MYRIP: variants seen among roughly 807,000 people sequenced by gnomAD.
The protein encoded by MYRIP is rab effector MyRIP.
Under a neutral mutation model 98.0 loss-of-function variants are expected in MYRIP, and 49 were observed. The ratio of observed to expected loss-of-function variants is 0.50; its 90% CI spans 0.40 to 0.63. The LOEUF is 0.63. MYRIP is among the 30% of genes least tolerant of loss of function. The pLI is 0.00. For synonymous variants in MYRIP, 404 were observed against 409.5 expected (o/e 0.99, Z 0.16); for missense variants, 1,004 against 1,058.2 (o/e 0.95, Z 0.71).
intron 2 of MYRIP, among the ~76,000 whole-genome samples, chr3:39,936,121 A>T (rs1422414195): frequency 6.6e-6 from 1 of 152,202 alleles, no homozygotes; most frequent in Non-Finnish European, 1.5e-5. Flanking sequence ...TATAGGCTGA[A>T]GTTCTTTATA....
chr3:39,838,317 C>T (rs929719147), intron 1 of MYRIP, among the ~76,000 whole-genome samples: 2 of 152,134 alleles, frequency 1.3e-5, no homozygotes, highest in African/African-American at 4.8e-5. Context: ...CCAGCTTTTG[C>T]CCATTTAGTA....
chr3:39,809,445 C>T (rs997231599), upstream of MYRIP, among the ~76,000 whole-genome samples: 8 of 147,572 alleles, frequency 5.4e-5, no homozygotes, highest in Non-Finnish European at 9.1e-5. Flanking sequence ...CTGGAGGAAC[C>T]GGCCCGGCGG....
intron 1 of MYRIP, among the ~76,000 whole-genome samples, chr3:39,881,135 T>C (rs780430574): frequency 9.9e-5 from 15 of 152,178 alleles, no homozygotes; most frequent in Non-Finnish European, 2.2e-4. Context: ...TTCTTTTTCA[T>C]GGATAAAATC....
chr3:39,965,558 A>G (rs185675218), intron 2 of MYRIP, among the ~76,000 whole-genome samples: 388 of 152,222 alleles, frequency 2.5e-3, no homozygotes, highest in Admixed American at 6.4e-3. Context: ...TAGGAGATAT[A>G]TATTAGGAGA....
At chr3:40,234,114 A>T in intron 12 of MYRIP, 61 bp downstream of exon 12, 1 of 1,504,572 alleles carries the variant, frequency 6.6e-7, no homozygotes, top group South Asian at 1.3e-5. Context: ...AGCTGATGAA[A>T]TTGTAGCTTA....
chr3:39,896,561 T>G (rs1224445112), intron 1 of MYRIP, among the ~76,000 whole-genome samples: 2 of 152,202 alleles, frequency 1.3e-5, no homozygotes, highest in Admixed American at 6.5e-5. Context: ...CATTTAGGTT[T>G]CTCTATAGTT....
intron 2 of MYRIP, among the ~76,000 whole-genome samples, chr3:40,036,442 G>A (rs1407191600): frequency 2.0e-5 from 3 of 151,736 alleles, no homozygotes; most frequent in African/African-American, 7.3e-5. Flanking sequence ...ACCAGAAGAA[G>A]TGAAGCAATA....
intron 2 of MYRIP, among the ~76,000 whole-genome samples, chr3:39,954,706 C>T (rs925655874): frequency 1.3e-5 from 2 of 152,038 alleles, no homozygotes; most frequent in Non-Finnish European, 2.9e-5. Flanking sequence ...CTCAGACAAT[C>T]GGTAATAACA....
intron 1 of MYRIP, among the ~76,000 whole-genome samples, chr3:39,850,932 G>C (rs1430261139): frequency 6.6e-6 from 1 of 151,998 alleles, no homozygotes; most frequent in Non-Finnish European, 1.5e-5. Flanking sequence ...TCTGTGCAGG[G>C]GATCCATATT....
intron 3 of MYRIP, among the ~76,000 whole-genome samples, chr3:40,095,868 C>T (rs1553613366): frequency 6.6e-6 from 1 of 151,590 alleles, no homozygotes; most frequent in Non-Finnish European, 1.5e-5. Flanking sequence ...CCCACTTGTC[C>T]TTCCCTCCTT....
At chr3:39,837,303 C>T (rs1266303836) in intron 1 of MYRIP, among the ~76,000 whole-genome samples, 7 of 152,080 alleles carry the variant, frequency 4.6e-5, no homozygotes, top group African/African-American at 1.2e-4. Flanking sequence ...GCCTATGTCC[C>T]GAATGGTACT....
intron 1 of MYRIP, among the ~76,000 whole-genome samples, chr3:39,865,508 G>A (rs1173023954): frequency 1.3e-5 from 2 of 152,252 alleles, no homozygotes; most frequent in African/African-American, 4.8e-5. Context: ...ATAAAAGGTA[G>A]GCGAAGGATA....
At chr3:40,139,155 T>C (rs1949842143) in intron 3 of MYRIP, among the ~76,000 whole-genome samples, 1 of 152,260 alleles carries the variant, frequency 6.6e-6, no homozygotes, top group Non-Finnish European at 1.5e-5. Flanking sequence ...CAGAATTTCA[T>C]TCTTTTTTAT....
chr3:39,955,850 A>C (rs1443215211), intron 2 of MYRIP, among the ~76,000 whole-genome samples: 1 of 152,016 alleles, frequency 6.6e-6, no homozygotes, highest in East Asian at 1.9e-4. Context: ...AAGAAAATGG[A>C]AAACAAAAAA....
intron 2 of MYRIP, among the ~76,000 whole-genome samples, chr3:40,038,875 A>C (rs13318252): frequency 0.012 from 1,869 of 152,170 alleles, 48 homozygotes; most frequent in African/African-American, 0.043. Flanking sequence ...TTTACCAGTT[A>C]GGTCGCAGCT....
intron 2 of MYRIP, among the ~76,000 whole-genome samples, chr3:40,038,649 T>C (rs529644017): frequency 3.8e-4 from 58 of 152,210 alleles, no homozygotes; most frequent in African/African-American, 1.4e-3. Context: ...CAAAAATAGA[T>C]CATTTTTTAG....
chr3:40,067,490 G>A (rs998273395), intron 3 of MYRIP, among the ~76,000 whole-genome samples: 4 of 152,136 alleles, frequency 2.6e-5, no homozygotes, highest in Admixed American at 1.3e-4. Context: ...TGGGCCAGTC[G>A]CAGGCCAAGA....
At chr3:39,939,760 G>A (rs1179849552) in intron 2 of MYRIP, among the ~76,000 whole-genome samples, 3 of 152,108 alleles carry the variant, frequency 2.0e-5, no homozygotes, top group Non-Finnish European at 4.4e-5. Context: ...AAAAATTACA[G>A]AACCAAAATG....
At chr3:40,232,965 T>C (rs1952705146) in intron 11 of MYRIP, 1 of 152,236 alleles carries the variant, frequency 6.6e-6, no homozygotes, top group African/African-American at 2.4e-5. Flanking sequence ...CCCAATCCAG[T>C]ACTCTCTGAG....
Sources: gnomAD v4.1 joint callset for allele counts (sites outside exome capture counted in the v4.1 genomes callset) on GRCh38, gnomAD v4.1.1 for gene constraint, MANE v1.5 for transcripts, NCBI Gene and HGNC (gene_info 2026-07-23, HGNC 2026-07-21) for gene names.